Variants in IGFL2 observed in about 807,000 individuals in gnomAD.
IGFL2 encodes the protein insulin growth factor-like family member 2.
IGFL2 carries 7 observed loss-of-function variants against 13.9 expected under a neutral mutation model. That is an observed-to-expected ratio of 0.51 (90% CI 0.29 to 0.95). The LOEUF (loss-of-function observed/expected upper bound fraction) is 0.95, where lower values mean the gene tolerates loss of function less well. Ranked by LOEUF, IGFL2 falls within the 40% of genes least tolerant of loss-of-function variation. IGFL2 has a pLI of 0.08. For missense variants in IGFL2, 138 were observed against 147.8 expected (o/e 0.93, Z 0.34); for synonymous variants, 55 against 55.8 (o/e 0.99, Z 0.07).
At chr19:46,113,483 G>T in the IGFL2 span, 1 of 372,242 alleles carries the variant, frequency 2.7e-6, no homozygotes, top group Non-Finnish European at 5.4e-6. Context: ...TAAGCATTGT[G>T]GAAGCCATAA....
At chr19:46,143,730 C>T (rs1490163160), upstream of IGFL2, among the ~76,000 whole-genome samples, 1 of 152,186 alleles carries the variant, frequency 6.6e-6, no homozygotes, top group Non-Finnish European at 1.5e-5. Flanking sequence ...ATTTGCCAGG[C>T]ACTATAGATA....
At chr19:46,175,234 G>A in the IGFL2 span, among the ~76,000 whole-genome samples, 124 of 152,082 alleles carry the variant, frequency 8.2e-4, 2 homozygotes, top group Middle Eastern at 0.017. Context: ...TATTCTCCCA[G>A]CACATTTATC....
chr19:46,137,419 A>C, the IGFL2 span: 7 of 1,031,728 alleles, frequency 6.8e-6, no homozygotes, highest in Non-Finnish European at 1.1e-5. Context: ...CTTGCTCGGA[A>C]GGATGGACAT....
rs372542831 is a variant in IGFL2, at chr19:46,148,268, T to C, written c.-11T>C. ...GCACTGCTGCTGTCCCATCAGCTGC[T>C]CTGAAGCTCCATGGTGCCCAGAATC... On this transcript the variant is annotated 5_prime_UTR_variant, in exon 1 of 4. Transcript: ENST00000377693. 8 of 1,551,362 alleles carry C rather than the reference T, an allele frequency of 5.2e-6. No individual in the cohort carries two copies. In the African/African-American group the frequency reaches 9.6e-5, roughly 19 times the overall value.
chr19:46,211,426 T>C, the IGFL2 span, among the ~76,000 whole-genome samples: 2 of 152,172 alleles, frequency 1.3e-5, no homozygotes, highest in African/African-American at 2.4e-5. Flanking sequence ...AAATTCCACC[T>C]CATTCCTGCC....
the IGFL2 span, among the ~76,000 whole-genome samples, chr19:46,133,065 G>T: frequency 6.6e-6 from 1 of 152,116 alleles, no homozygotes; most frequent in Admixed American, 6.5e-5. Flanking sequence ...GGGCTGGCAG[G>T]CTGGAGAAAG....
At chr19:46,133,194 C>T in the IGFL2 span, among the ~76,000 whole-genome samples, 1 of 152,052 alleles carries the variant, frequency 6.6e-6, no homozygotes, top group Non-Finnish European at 1.5e-5. Context: ...GAGAAAGGCT[C>T]CCCACATCCC....
At chr19:46,184,112 T>TA in the IGFL2 span, among the ~76,000 whole-genome samples, 1 of 152,254 alleles carries the variant, frequency 6.6e-6, no homozygotes, top group Admixed American at 6.5e-5. Context: ...GACACACTTC[T>TA]AATTTTGTTC....
the IGFL2 span, among the ~76,000 whole-genome samples, chr19:46,089,308 C>T: frequency 6.6e-6 from 1 of 152,158 alleles, no homozygotes; most frequent in Non-Finnish European, 1.5e-5. Flanking sequence ...TTGATGTAAT[C>T]ATTTACATCT....
Position 46,157,891 on chromosome 19 carries a change from G to A in IGFL2, c.20-2524G>A, listed in dbSNP as rs373847032. ...CAACTGTCTATGTAAACAGTCCCAA[G>A]GAATCTAAAAATGTACTCCTATAAC... On this transcript the variant is annotated intron_variant, in intron 1 of 3. Transcript: ENST00000377693. 2.0e-4 allele frequency among the ~76,000 whole-genome samples: 30 copies of A among 152,246 alleles called. No individual in the cohort carries two copies. In the East Asian group the frequency reaches 4.8e-3, roughly 24 times the overall value.
At chr19:46,141,964 C>G (rs547141012), upstream of IGFL2, among the ~76,000 whole-genome samples, 70 of 152,316 alleles carry the variant, frequency 4.6e-4, no homozygotes, top group African/African-American at 1.5e-3. Flanking sequence ...CTCATTTGCT[C>G]TCCTCAGAGA....
At chr19:46,205,157 A>G in the IGFL2 span, among the ~76,000 whole-genome samples, 2 of 152,204 alleles carry the variant, frequency 1.3e-5, no homozygotes, top group East Asian at 3.8e-4. Flanking sequence ...TTAGGCAGAT[A>G]GTGAAGGTAA....
At chr19:46,164,923 A>G (rs983089888), downstream of IGFL2, among the ~76,000 whole-genome samples, 21 of 152,344 alleles carry the variant, frequency 1.4e-4, no homozygotes, top group Middle Eastern at 3.4e-3. Flanking sequence ...CTGGTCAGGT[A>G]AGACTAAAGT....
chr19:46,123,877 G>T, the IGFL2 span: 1 of 1,604,406 alleles, frequency 6.2e-7, no homozygotes, highest in South Asian at 1.1e-5. Flanking sequence ...GCAAGGTAGG[G>T]ACCTTTACCT....
At chr19:46,205,903 CCTT>C in the IGFL2 span, among the ~76,000 whole-genome samples, 1 of 152,248 alleles carries the variant, frequency 6.6e-6, no homozygotes, top group East Asian at 1.9e-4. Flanking sequence ...GTTTGAACGT[CCTT>C]CTGCTGCCAA....
At chr19:46,169,515 T>C in the IGFL2 span, among the ~76,000 whole-genome samples, 2 of 152,172 alleles carry the variant, frequency 1.3e-5, no homozygotes, top group African/African-American at 4.8e-5. Flanking sequence ...TTGGTGATAG[T>C]GTTGGAGACC....
At chr19:46,147,386 A>G (rs1382605407), upstream of IGFL2, among the ~76,000 whole-genome samples, 1 of 152,192 alleles carries the variant, frequency 6.6e-6, no homozygotes. Flanking sequence ...CTCCCAAACC[A>G]GAGTTTAGTC....
the IGFL2 span, chr19:46,136,662 A>AT: frequency 1.9e-5 from 8 of 427,290 alleles, no homozygotes; most frequent in Non-Finnish European, 3.2e-5. Flanking sequence ...TTAATAAAAA[A>AT]ATATATAAAA....
At chr19:46,125,934 C>A in the IGFL2 span, among the ~76,000 whole-genome samples, 1 of 152,124 alleles carries the variant, frequency 6.6e-6, no homozygotes, top group Non-Finnish European at 1.5e-5. Context: ...TACTATTGGG[C>A]ATTGGGAAGT....
Sources: allele counts gnomAD v4.1 joint callset (sites outside exome capture counted in the v4.1 genomes callset), GRCh38; gene constraint gnomAD v4.1.1; transcripts MANE v1.5; gene names NCBI Gene and HGNC (gene_info 2026-07-23, HGNC 2026-07-21).